The following EPHB2 variants were observed in gnomAD, a reference collection of about 807,000 sequenced individuals.
The protein encoded by EPHB2 is ephrin type-B receptor 2.
A neutral mutation model predicts 96.4 loss-of-function variants in EPHB2; 18 were observed. The observed-to-expected ratio is 0.19, with a 90% CI of 0.13 to 0.28. EPHB2 has a LOEUF of 0.28. Ranked by LOEUF, EPHB2 falls within the 10% of genes least tolerant of loss-of-function variation. The pLI is 1.00. For missense variants in EPHB2, 989 were observed against 1,355.4 expected, an observed-to-expected ratio of 0.73 and a Z score of 4.25; for synonymous variants, 506 against 534.1, an observed-to-expected ratio of 0.95 and a Z score of 0.72.
chr1:22,833,063 G>A (rs1470201893), intron 3 of EPHB2, among the ~76,000 whole-genome samples: 8 of 149,838 alleles, frequency 5.3e-5, no homozygotes, highest in African/African-American at 2.0e-4. Flanking sequence ...CCTGGTAAGA[G>A]AGAAAGGAAA....
chr1:22,912,309 C>T, intron 14 of EPHB2, 135 bp from the exon 15 acceptor site: 1 of 1,269,780 alleles, frequency 7.9e-7, no homozygotes, highest in South Asian at 1.3e-5. Flanking sequence ...TACTCACGTA[C>T]ATACCCCTTC....
intron 3 of EPHB2, among the ~76,000 whole-genome samples, chr1:22,818,077 T>A (rs1296458352): frequency 1.3e-5 from 2 of 152,166 alleles, no homozygotes; most frequent in Non-Finnish European, 2.9e-5. Flanking sequence ...TCATCTGGGC[T>A]TAGACACTTA....
chr1:22,732,607 G>A (rs1643743079), intron 1 of EPHB2, among the ~76,000 whole-genome samples: 1 of 152,132 alleles, frequency 6.6e-6, no homozygotes, highest in Non-Finnish European at 1.5e-5. Flanking sequence ...TGCCTCTGCT[G>A]AAGGGGTTCT....
chr1:22,901,740 G>C (rs1024550427), intron 9 of EPHB2, among the ~76,000 whole-genome samples: 6 of 152,136 alleles, frequency 3.9e-5, no homozygotes, highest in African/African-American at 9.7e-5. Context: ...TGGAGACTCT[G>C]TAGCCGGCCT....
Position 22,918,240 on chromosome 1 carries a change from A to G in EPHB2, c.*4670A>G, listed in dbSNP as rs969931005. The G allele has an allele frequency of 6.6e-6, 1 of 152,148 alleles. No homozygotes were observed. The highest frequency in any genetic ancestry group is 2.4e-5 in the African/African-American group (1 of 41,406). The allele number at this position is 152,148 out of a possible 1,614,324, so 9.4% of individuals were successfully genotyped here. On this transcript the variant is annotated 3_prime_UTR_variant, in exon 16 of 16. Transcript: ENST00000374630. The surrounding 1 kb of genome is among the most constrained non-coding windows in gnomAD (Gnocchi z 4.2). ...TCAGTTTCCATCCTCACTGACGCAG[A>G]TAATCCAAAGAGTCACTTCAGCTGC...
rs537196956 is a variant in EPHB2, at chr1:22,921,078, T to A, written c.*7508T>A. On this transcript the variant is annotated 3_prime_UTR_variant, in exon 16 of 16. Transcript: ENST00000374630. ...GATCCTTTGCCAGTCAAATCCCAGA[T>A]CCCCGGGGGGGCACTGTGGCACCCT... 3.3e-5 allele frequency: 5 copies of A among 152,332 alleles called. No homozygotes were observed. Among genetic ancestry groups the A allele is most frequent in the African/African-American group, 1.2e-4 (5 of 41,480 alleles). The allele number at this position is 152,332 out of a possible 1,614,324, so 9.4% of individuals were successfully genotyped here.
At chr1:22,885,967 G>A (rs1639211683) in intron 6 of EPHB2, among the ~76,000 whole-genome samples, 1 of 152,172 alleles carries the variant, frequency 6.6e-6, no homozygotes, top group South Asian at 2.1e-4. Flanking sequence ...CAGGCACTAA[G>A]CTGGGTACCA....
At chr1:22,834,832 G>A (rs912974299) in intron 3 of EPHB2, among the ~76,000 whole-genome samples, 1 of 152,046 alleles carries the variant, frequency 6.6e-6, no homozygotes, top group Non-Finnish European at 1.5e-5. Flanking sequence ...GGCTGAGGTG[G>A]GAGAATCACT....
chr1:22,771,347 T>A (rs1478486598), intron 1 of EPHB2, among the ~76,000 whole-genome samples: 4 of 152,084 alleles, frequency 2.6e-5, no homozygotes, highest in Admixed American at 2.6e-4. Flanking sequence ...TTGAGATGGG[T>A]CTTAATGAAC....
chr1:22,835,113 T>C (rs1291860902), intron 3 of EPHB2, among the ~76,000 whole-genome samples: 1 of 152,036 alleles, frequency 6.6e-6, no homozygotes, highest in African/African-American at 2.4e-5. Flanking sequence ...GCACAGTGGC[T>C]CACACCTGTA....
At chr1:22,834,351 A>G (rs1237833641) in intron 3 of EPHB2, among the ~76,000 whole-genome samples, 1 of 152,186 alleles carries the variant, frequency 6.6e-6, no homozygotes, top group Non-Finnish European at 1.5e-5. Flanking sequence ...CAGATATGAG[A>G]GGGGGTCTTG....
Position 22,913,861 on chromosome 1 carries a change from C to T in EPHB2, c.*291C>T, listed in dbSNP as rs761622826. 43 of 1,599,462 alleles carry T rather than the reference C, an allele frequency of 2.7e-5. No homozygotes were observed. Among genetic ancestry groups the T allele is most frequent in the East Asian group, 2.5e-4 (11 of 44,758 alleles). ...ATAAGGAAAGCAATGACTGTTCTTG[C>T]GGGGGATAAAAAAGGGCTTGGGAGA... On this transcript the variant is annotated 3_prime_UTR_variant, in exon 16 of 16. Coordinates refer to ENST00000374630, the MANE Select transcript of EPHB2 (RefSeq NM_017449.5). The surrounding 1 kb of genome is among the most constrained non-coding windows in gnomAD (Gnocchi z 4.1).
intron 1 of EPHB2, among the ~76,000 whole-genome samples, chr1:22,775,698 T>G (rs948110883): frequency 2.0e-5 from 3 of 152,248 alleles, no homozygotes; most frequent in Non-Finnish European, 4.4e-5. Flanking sequence ...GCCTCCTGAT[T>G]GCTTTCTTCT....
intron 6 of EPHB2, among the ~76,000 whole-genome samples, chr1:22,884,465 C>T (rs1406850769): frequency 6.6e-6 from 1 of 151,968 alleles, no homozygotes; most frequent in Non-Finnish European, 1.5e-5. Flanking sequence ...ACTGAAAATA[C>T]AAAAATTAGC....
At chr1:22,911,906 T>C (rs74063895) in intron 14 of EPHB2, among the ~76,000 whole-genome samples, 2,337 of 152,252 alleles carry the variant, frequency 0.015, 63 homozygotes, top group African/African-American at 0.052. Context: ...ATGAGAGCCA[T>C]TTCACTCCTT....
chr1:22,762,341 TCA>T (rs1644247154), intron 1 of EPHB2, among the ~76,000 whole-genome samples: 1 of 152,160 alleles, frequency 6.6e-6, no homozygotes, highest in African/African-American at 2.4e-5. Flanking sequence ...TGCAGGACCC[TCA>T]GCTGGAACCT....
chr1:22,754,831 GC>G (rs1644119169), intron 1 of EPHB2, among the ~76,000 whole-genome samples: 2 of 130,912 alleles, frequency 1.5e-5, no homozygotes, highest in African/African-American at 2.8e-5. Context: ...GAGGTGAGGG[GC>G]AGGGGAGGGG....
Position 22,781,432 on chromosome 1 carries a change from G to A in EPHB2, c.73G>A (p.Asp25Asn), listed in dbSNP as rs765772842. The change falls in exon 2 of 16, where the codon GAC (aspartate) becomes AAC (asparagine). Residue 25 changes from aspartate to asparagine, a missense_variant. Asp to Asn is a conservative substitution (Grantham distance 23, BLOSUM62 1). Coordinates refer to ENST00000374630, the MANE Select transcript of EPHB2 (RefSeq NM_017449.5). ...LLAAVEETLM[D>N]STTATAELGW... ...TGCTCTCCCCACAGAAACGCTAATG[G>A]ACTCCACTACAGCGACTGCTGAGCT... 7 of 1,613,912 alleles carry A rather than the reference G, an allele frequency of 4.3e-6. No homozygotes were observed. The highest frequency in any genetic ancestry group is 2.7e-5 in the African/African-American group (2 of 74,878).
At chr1:22,843,831 G>A (rs971527758) in intron 3 of EPHB2, among the ~76,000 whole-genome samples, 14 of 152,220 alleles carry the variant, frequency 9.2e-5, no homozygotes, top group Non-Finnish European at 1.3e-4. Flanking sequence ...GTGGGCCACC[G>A]TACCCAGCCT....
Sources: allele counts gnomAD v4.1 joint callset (sites outside exome capture counted in the v4.1 genomes callset), GRCh38; gene constraint gnomAD v4.1.1; non-coding constraint Gnocchi (gnomAD v3.1); transcripts MANE v1.5; gene names NCBI Gene and HGNC (gene_info 2026-07-23, HGNC 2026-07-21).